COL5A2: variants seen among roughly 807,000 people sequenced by gnomAD.
COL5A2 encodes collagen type V alpha 2 chain, also known as collagen alpha-2(V) chain.
In COL5A2, 23 loss-of-function variants were observed where a neutral mutation model predicts 208.2. The ratio of observed to expected loss-of-function variants is 0.11; its 90% CI spans 0.08 to 0.16. The LOEUF (loss-of-function observed/expected upper bound fraction) is 0.16, where lower values mean the gene tolerates loss of function less well. Ranked by LOEUF, COL5A2 falls within the 10% of genes least tolerant of loss-of-function variation. COL5A2 has a pLI of 1.00. For missense variants in COL5A2, 1,590 were observed against 1,956.4 expected (o/e 0.81, Z 3.53); for synonymous variants, 625 against 628.5 (o/e 0.99, Z 0.08).
the COL5A2 span, among the ~76,000 whole-genome samples, chr2:189,284,654 C>T: frequency 6.6e-6 from 1 of 152,126 alleles, no homozygotes; most frequent in South Asian, 2.1e-4. Context: ...GACACAGAGA[C>T]AAACCATATC....
chr2:189,432,666 C>A, the COL5A2 span, among the ~76,000 whole-genome samples: 13 of 152,266 alleles, frequency 8.5e-5, no homozygotes, highest in African/African-American at 2.9e-4. Context: ...TACAGGAGCA[C>A]CCAGATTCAT....
At chr2:189,243,637 GC>G in the COL5A2 span, among the ~76,000 whole-genome samples, 2 of 152,084 alleles carry the variant, frequency 1.3e-5, no homozygotes, top group African/African-American at 4.8e-5. Context: ...ATATCATTCA[GC>G]CCCTGGCCCC....
At chr2:189,113,105 T>C (rs191920290) in intron 1 of COL5A2, among the ~76,000 whole-genome samples, 286 of 152,286 alleles carry the variant, frequency 1.9e-3, no homozygotes, top group Non-Finnish European at 3.2e-3. Flanking sequence ...GTTAAGTGCA[T>C]ATGTGCCTAG....
At chr2:189,387,528 C>G in the COL5A2 span, among the ~76,000 whole-genome samples, 1 of 152,084 alleles carries the variant, frequency 6.6e-6, no homozygotes, top group African/African-American at 2.4e-5. Flanking sequence ...TCTACTTATT[C>G]ATGATGTGTT....
rs115671241 is a variant in COL5A2, at chr2:189,084,239, C to T, written c.799-202G>A. Among the ~76,000 whole-genome samples the T allele has an allele frequency of 0.012, 1,873 of 152,272 alleles. 32 individuals carry two copies. The highest frequency in any genetic ancestry group is 0.027 in the Middle Eastern group (8 of 294). On this transcript the variant is annotated intron_variant, in intron 11 of 53. Transcript: ENST00000374866. ...TAGTACTCCATTCTATCAAGTTAGT[C>T]TGTGGCTTTCATTAATTTACCCAGA...
chr2:189,341,546 T>C, the COL5A2 span, among the ~76,000 whole-genome samples: 9 of 152,306 alleles, frequency 5.9e-5, no homozygotes, highest in South Asian at 2.1e-4. Context: ...TTAAATACTA[T>C]ATAACAAAAC....
intron 1 of COL5A2, among the ~76,000 whole-genome samples, chr2:189,188,362 T>A (rs1688881257): frequency 6.6e-6 from 1 of 152,204 alleles, no homozygotes; most frequent in Non-Finnish European, 1.5e-5. Flanking sequence ...TATGTAGCTT[T>A]TTGTGCCTGA....
the COL5A2 span, among the ~76,000 whole-genome samples, chr2:189,333,157 G>C: frequency 6.6e-6 from 1 of 151,828 alleles, no homozygotes; most frequent in Non-Finnish European, 1.5e-5. Context: ...ATTTGAAAAA[G>C]GAAGAATAAA....
the COL5A2 span, among the ~76,000 whole-genome samples, chr2:189,389,293 G>A: frequency 1.3e-5 from 2 of 152,012 alleles, no homozygotes; most frequent in Admixed American, 1.3e-4. Flanking sequence ...TATGATTGAT[G>A]GCCATAATTC....
At chr2:189,134,505 CT>C (rs936287690) in intron 1 of COL5A2, among the ~76,000 whole-genome samples, 8 of 152,184 alleles carry the variant, frequency 5.3e-5, no homozygotes, top group African/African-American at 1.9e-4. Context: ...AGGAGAATCG[CT>C]TGAACTCGGA....
chr2:189,037,894 C>T (rs1173218133), intron 51 of COL5A2, among the ~76,000 whole-genome samples: 1 of 152,084 alleles, frequency 6.6e-6, no homozygotes, highest in Non-Finnish European at 1.5e-5. Context: ...AATACTTAAG[C>T]AAGCATTTTC....
At chr2:189,434,281 G>A in the COL5A2 span, among the ~76,000 whole-genome samples, 2 of 152,326 alleles carry the variant, frequency 1.3e-5, no homozygotes, top group African/African-American at 4.8e-5. Context: ...AGACAGGGAT[G>A]CCCTCTCTCA....
the COL5A2 span, among the ~76,000 whole-genome samples, chr2:189,434,790 T>G: frequency 1.3e-5 from 2 of 152,312 alleles, no homozygotes; most frequent in Admixed American, 1.3e-4. Context: ...CCCATCAAGC[T>G]ACCAATGATT....
At chr2:189,056,824 G>C in intron 35 of COL5A2, 149 bp downstream of exon 35, 1 of 768,686 alleles carries the variant, frequency 1.3e-6, no homozygotes, top group South Asian at 1.4e-5. Flanking sequence ...AACCGTGGTT[G>C]AATCACAGCA....
upstream of COL5A2, among the ~76,000 whole-genome samples, chr2:189,228,735 T>C (rs1689447442): frequency 6.6e-6 from 1 of 151,790 alleles, no homozygotes; most frequent in Admixed American, 6.6e-5. Context: ...TACCAAACAT[T>C]TAAATAATTA....
At chr2:189,183,929 T>C (rs1688814685), upstream of COL5A2, among the ~76,000 whole-genome samples, 1 of 152,206 alleles carries the variant, frequency 6.6e-6, no homozygotes, top group Non-Finnish European at 1.5e-5. Flanking sequence ...TTGCCTGAAA[T>C]AACCACTTCC....
the COL5A2 span, among the ~76,000 whole-genome samples, chr2:189,324,888 C>T: frequency 2.6e-5 from 4 of 152,088 alleles, no homozygotes; most frequent in East Asian, 5.8e-4. Context: ...TGCGGCACTA[C>T]TCACAATAGC....
intron 7 of COL5A2, among the ~76,000 whole-genome samples, chr2:189,091,995 T>C (rs542121101): frequency 6.6e-6 from 1 of 152,100 alleles, no homozygotes; most frequent in East Asian, 1.9e-4. Context: ...GACAGATAAA[T>C]CTCTCATTTC....
At chr2:189,088,578 T>TGAAA in intron 8 of COL5A2, 117 bp downstream of exon 8, 1 of 805,888 alleles carries the variant, frequency 1.2e-6, no homozygotes, top group Non-Finnish European at 2.2e-6. Context: ...AATGAATGAA[T>TGAAA]GTACGACTGT....
Sources: allele counts gnomAD v4.1 joint callset (sites outside exome capture counted in the v4.1 genomes callset), GRCh38; gene constraint gnomAD v4.1.1; transcripts MANE v1.5; gene names NCBI Gene and HGNC (gene_info 2026-07-23, HGNC 2026-07-21).